Variants in TNFAIP8 observed in about 807,000 individuals in gnomAD.
TNFAIP8 encodes the protein tumor necrosis factor alpha-induced protein 8.
TNFAIP8 carries 7 observed loss-of-function variants against 13.3 expected under a neutral mutation model. The observed-to-expected ratio is 0.52, with a 90% CI of 0.30 to 0.99. The LOEUF is 0.99. TNFAIP8 is among the 50% of genes least tolerant of loss of function. TNFAIP8 has a pLI of 0.07. For synonymous variants in TNFAIP8, 94 were observed against 87.6 expected, an observed-to-expected ratio of 1.07 and a Z score of -0.41; for missense variants, 258 against 236.9, an observed-to-expected ratio of 1.09 and a Z score of -0.58.
intron 1 of TNFAIP8, among the ~76,000 whole-genome samples, chr5:119,342,692 G>T (rs1475450876): frequency 1.3e-5 from 2 of 152,148 alleles, no homozygotes; most frequent in South Asian, 4.1e-4. Flanking sequence ...CTTTCTCAAA[G>T]AATCTCCATT....
At chr5:119,301,600 G>A (rs1227179754) in intron 1 of TNFAIP8, among the ~76,000 whole-genome samples, 2 of 152,202 alleles carry the variant, frequency 1.3e-5, no homozygotes, top group Admixed American at 1.3e-4. Flanking sequence ...TCAGGTCTGA[G>A]TCTAGCACGA....
chr5:119,371,475 G>A (rs971868360), intron 1 of TNFAIP8, among the ~76,000 whole-genome samples: 1 of 152,094 alleles, frequency 6.6e-6, no homozygotes. Flanking sequence ...TGCCCTCACC[G>A]TTCTTTTCCA....
At chr5:119,355,861 G>C, upstream of TNFAIP8, 1 of 1,090,030 alleles carries the variant, frequency 9.2e-7, no homozygotes, top group Non-Finnish European at 1.1e-6. Flanking sequence ...GCGCGGCTCC[G>C]GGGGCGGACT....
chr5:119,351,299 T>C (rs934257691), upstream of TNFAIP8, among the ~76,000 whole-genome samples: 1 of 152,186 alleles, frequency 6.6e-6, no homozygotes, highest in African/African-American at 2.4e-5. Flanking sequence ...AGTGCTGGGA[T>C]TAAATTCATG....
upstream of TNFAIP8, chr5:119,355,142 A>T (rs1009832422): frequency 3.7e-5 from 22 of 597,960 alleles, no homozygotes; most frequent in Admixed American, 4.1e-4. Context: ...CAGAATTGAG[A>T]TCTGTTGTGA....
At chr5:119,358,232 A>G (rs924035376) in intron 1 of TNFAIP8, among the ~76,000 whole-genome samples, 2 of 151,968 alleles carry the variant, frequency 1.3e-5, no homozygotes, top group Admixed American at 6.6e-5. Flanking sequence ...GTAAGAGGAG[A>G]TACTTTTAAG....
At chr5:119,302,365 CTAAA>C (rs999578652) in intron 1 of TNFAIP8, among the ~76,000 whole-genome samples, 6 of 152,146 alleles carry the variant, frequency 3.9e-5, no homozygotes, top group Non-Finnish European at 8.8e-5. Flanking sequence ...CTAGAGAACA[CTAAA>C]TAGTTTTTTT....
At chr5:119,356,176 G>C in intron 1 of TNFAIP8, 55 bp downstream of exon 1, 1 of 1,491,370 alleles carries the variant, frequency 6.7e-7, no homozygotes, top group Non-Finnish European at 9.1e-7. Flanking sequence ...GAATTTGGAG[G>C]AAGGCAGTGG....
In TNFAIP8 at chr5:119,278,740, T is replaced by C. The variant is rs184452860; in HGVS notation, c.1+9833T>C. Among the ~76,000 whole-genome samples the C allele has an allele frequency of 7.2e-5, 11 of 152,300 alleles. No homozygotes were observed. The South Asian group carries it at 8.3e-4, about 11-fold the overall frequency. On this transcript the variant is annotated intron_variant, in intron 1 of 1. Coordinates refer to the TNFAIP8 transcript ENST00000274456. ...CTGATACTAATAATCCCAGGTTTCA[T>C]TGGAGTTAAAACTAACCACCCATGA... is the stretch of plus-strand genomic sequence containing the variant.
chr5:119,331,507 C>T (rs1330597700), intron 1 of TNFAIP8, among the ~76,000 whole-genome samples: 3 of 152,144 alleles, frequency 2.0e-5, no homozygotes, highest in African/African-American at 7.2e-5. Context: ...TTTTGTTCTC[C>T]TGTTTTTGGA....
chr5:119,333,335 A>G lies in TNFAIP8; in HGVS notation c.2-59481A>G, dbSNP rs1010837026. The G allele has an allele frequency of 8.7e-6, 11 of 1,271,174 alleles. No homozygotes were observed. The East Asian group carries it at 1.6e-4, about 18-fold the overall frequency. 78.7% of individuals were successfully genotyped at this position (1,271,174 alleles called of 1,614,324 possible). ...TAAAGGCTACCTAATGCATTCCACTACAAGTGACGAAACCTAGCTCCCAGA... is the reference window on the plus strand; with the variant it reads ...TAAAGGCTACCTAATGCATTCCACTGCAAGTGACGAAACCTAGCTCCCAGA... On this transcript the variant is annotated intron_variant, in intron 1 of 1. Transcript: ENST00000274456.
chr5:119,310,655 T>C (rs897895825), intron 1 of TNFAIP8, among the ~76,000 whole-genome samples: 14 of 152,134 alleles, frequency 9.2e-5, no homozygotes, highest in Admixed American at 5.9e-4. Flanking sequence ...GCTAATATGG[T>C]AAAACCCTGT....
intron 1 of TNFAIP8, among the ~76,000 whole-genome samples, chr5:119,301,827 A>C (rs1192263137): frequency 6.6e-6 from 1 of 152,234 alleles, no homozygotes; most frequent in Non-Finnish European, 1.5e-5. Flanking sequence ...AATATATTCC[A>C]AGTGCCAACC....
chr5:119,385,155 A>G (rs1218264410), intron 1 of TNFAIP8, among the ~76,000 whole-genome samples: 1 of 152,238 alleles, frequency 6.6e-6, no homozygotes, highest in Non-Finnish European at 1.5e-5. Flanking sequence ...AATCTCATTT[A>G]AGCCACACCA....
chr5:119,356,308 C>G (rs892146259), intron 1 of TNFAIP8, among the ~76,000 whole-genome samples, 187 bp downstream of exon 1: 4 of 152,182 alleles, frequency 2.6e-5, no homozygotes, highest in African/African-American at 7.2e-5. Flanking sequence ...CCCTTCTCCC[C>G]CCGCAGCCGT....
chr5:119,389,614 GCC>G (rs1190623105), intron 1 of TNFAIP8, among the ~76,000 whole-genome samples: 2 of 152,138 alleles, frequency 1.3e-5, no homozygotes, highest in Admixed American at 6.5e-5. Context: ...TCAGCCACAA[GCC>G]CCAGTTGGCT....
At chr5:119,333,519 T>C in intron 1 of TNFAIP8, 1 of 1,527,402 alleles carries the variant, frequency 6.5e-7, no homozygotes, top group Non-Finnish European at 8.8e-7. Context: ...GCAGGTTCCA[T>C]AGTGTACACG....
rs71591296 is a variant in TNFAIP8, at chr5:119,292,685, T to TACAC, written c.1+23788_1+23791dup. On this transcript the variant is annotated intron_variant, in intron 1 of 1. Coordinates refer to the TNFAIP8 transcript ENST00000274456. ...ATATATATATATATATATATATATATACACACACACACAATGAAATACTAT... is the reference window on the plus strand; with the variant it reads ...ATATATATATATATATATATATATATACACACACACACACACAATGAAATACTAT... Among the ~76,000 whole-genome samples the TACAC allele has an allele frequency of 1.8e-3, 93 of 52,316 alleles. 4 individuals are homozygous for TACAC. Among genetic ancestry groups the TACAC allele is most frequent in the South Asian group, 9.8e-3 (11 of 1,120 alleles). The allele number at this position is 52,316 out of a possible 152,430, so 34.3% of individuals were successfully genotyped here.
At chr5:119,379,508 A>G (rs1452375765) in intron 1 of TNFAIP8, among the ~76,000 whole-genome samples, 2 of 152,116 alleles carry the variant, frequency 1.3e-5, no homozygotes, top group South Asian at 4.2e-4. Context: ...ATGAAGGGGG[A>G]AGGTGAAGGC....
Sources: gnomAD v4.1 joint callset for allele counts (sites outside exome capture counted in the v4.1 genomes callset) on GRCh38, gnomAD v4.1.1 for gene constraint, MANE v1.5 for transcripts, NCBI Gene and HGNC (gene_info 2026-07-23, HGNC 2026-07-21) for gene names.